Variants in JAG1 observed in about 807,000 individuals in gnomAD.
JAG1 encodes the protein jagged canonical Notch ligand 1, also known as protein jagged-1.
A neutral mutation model predicts 148.7 loss-of-function variants in JAG1; 23 were observed. That is an observed-to-expected ratio of 0.15 (90% CI 0.11 to 0.22). The LOEUF (loss-of-function observed/expected upper bound fraction) is 0.22, where lower values mean the gene tolerates loss of function less well. JAG1 is among the 10% of genes least tolerant of loss of function. The pLI, the probability that JAG1 is intolerant of heterozygous loss-of-function variation, is 1.00. For synonymous variants in JAG1, 572 were observed against 598.3 expected, an observed-to-expected ratio of 0.96 and a Z score of 0.64; for missense variants, 1,054 against 1,611.2, an observed-to-expected ratio of 0.65 and a Z score of 5.92.
intron 18 of JAG1, 27 bp downstream of exon 18, chr20:10,644,836 G>C: frequency 6.6e-7 from 1 of 1,510,552 alleles, no homozygotes; most frequent in South Asian, 1.1e-5. Context: ...ACAGCCCTGG[G>C]AGAGTTCAAG....
chr20:10,656,240 T>C (rs2067378177), intron 5 of JAG1, among the ~76,000 whole-genome samples, 158 bp downstream of exon 5: 2 of 152,244 alleles, frequency 1.3e-5, no homozygotes, highest in African/African-American at 4.8e-5. Context: ...AGACAGCTGG[T>C]ATAATTTAAT....
intron 3 of JAG1, among the ~76,000 whole-genome samples, chr20:10,659,560 T>C (rs931328322): frequency 4.7e-4 from 5 of 10,626 alleles, no homozygotes; most frequent in Non-Finnish European, 9.9e-4. Context: ...ATTAAGTTAC[T>C]TTTTTTTTTT....
intron 5 of JAG1, among the ~76,000 whole-genome samples, chr20:10,654,501 A>G (rs960093925): frequency 1.3e-5 from 2 of 152,210 alleles, no homozygotes; most frequent in African/African-American, 4.8e-5. Flanking sequence ...CTACTTGGGA[A>G]CAACAAAAAC....
rs1251308431 is a variant in JAG1 at position 10,648,070 on chromosome 20, C to T, written c.1610G>A (p.Gly537Asp). 6.2e-7 allele frequency: 1 copy of T among 1,614,136 alleles called. No individual in the cohort carries two copies. The highest frequency in any genetic ancestry group is 1.1e-5 in the South Asian group (1 of 91,074). The change falls in exon 13 of 26, where the codon GGT (glycine) becomes GAT (aspartate). Residue 537 changes from glycine to aspartate, a missense_variant. Coordinates refer to ENST00000254958, the MANE Select transcript of JAG1 (RefSeq NM_000214.3). ...ACTGGCACGGTTGTAGCACTGGGCA[C>T]CGTTCTGGCAGGGATTAGGCTCACA... ...DYCEPNPCQN[G>D]AQCYNRASDY...
chr20:10,646,952 T>G lies in JAG1; in HGVS notation c.1872A>C (p.Thr624=). The change falls in exon 14 of 26, where the codon ACA becomes ACC. Residue 624 remains threonine (T), a synonymous_variant. Coordinates refer to ENST00000254958, the MANE Select transcript of JAG1 (RefSeq NM_000214.3). ...TCDCNKGFTG[T]YCHENINDCE... The stretch of plus-strand genomic sequence containing the variant: ...AGGGAGTCTTACTTTCATGGCAGTA[T>G]GTTCCCGTGAAGCCTTTGTTACAGT... 1 of 1,614,214 alleles carries G rather than the reference T, an allele frequency of 6.2e-7. No homozygotes were observed. Among genetic ancestry groups the G allele is most frequent in the Non-Finnish European group, 8.5e-7 (1 of 1,180,032 alleles).
At chr20:10,656,514 G>T (rs894155195) in intron 4 of JAG1, 56 bp from the exon 5 acceptor site, 13 of 1,466,744 alleles carry the variant, frequency 8.9e-6, no homozygotes, top group Non-Finnish European at 1.1e-5. Flanking sequence ...GCATCGCCCC[G>T]GTCATGAGAA....
chr20:10,652,807 G>C, intron 5 of JAG1: 1 of 492,028 alleles, frequency 2.0e-6, no homozygotes. Flanking sequence ...CTGACAAAAG[G>C]AGGGCTGTTT....
chr20:10,672,635 A>G, intron 2 of JAG1, 66 bp downstream of exon 2: 1 of 1,509,182 alleles, frequency 6.6e-7, no homozygotes, highest in Non-Finnish European at 9.1e-7. Context: ...CTCGCAAGGG[A>G]TAACAGGGCT....
At chr20:10,654,566 T>C (rs2067366658) in intron 5 of JAG1, among the ~76,000 whole-genome samples, 1 of 152,114 alleles carries the variant, frequency 6.6e-6, no homozygotes, top group Non-Finnish European at 1.5e-5. Context: ...TAATACATAA[T>C]CCAAAAGACA....
chr20:10,663,510 A>G (rs2235811), intron 3 of JAG1, among the ~76,000 whole-genome samples: 85,816 of 152,030 alleles, frequency 0.56, 24,522 homozygotes, highest in East Asian at 0.72. Flanking sequence ...ACCCGGAGAG[A>G]CTAGAAGCTC....
rs1265642949 is a variant in JAG1, at chr20:10,673,457, C to T, written c.74G>A (p.Arg25Gln). ...SLLLALLCAL[R>Q]AKVCGASGQF... Reference sequence around the variant, plus strand: ...CCGGAGAAGGGCTCCTACCTTGGCTCGCAGGGCACAGAGCAGGGCGAGCAG... The same window carrying T: ...CCGGAGAAGGGCTCCTACCTTGGCTTGCAGGGCACAGAGCAGGGCGAGCAG... Residue 25 changes from arginine (R) to glutamine (Q), a missense_variant, in exon 1 of 26, where the codon CGA (arginine) becomes CAA (glutamine). Physicochemically the swap from Arg to Gln is conservative, Grantham distance 43. Coordinates refer to ENST00000254958, the MANE Select transcript of JAG1 (RefSeq NM_000214.3). This position sits in a 1 kb window ranked among gnomAD's most constrained non-coding sequence, Gnocchi z 4.7. 2.5e-5 allele frequency: 36 copies of T among 1,445,824 alleles called. No individual in the cohort carries two copies. Among genetic ancestry groups the T allele is most frequent in the Non-Finnish European group, 3.3e-5 (36 of 1,100,098 alleles). 89.6% of individuals were successfully genotyped at this position (1,445,824 alleles called of 1,614,324 possible).
In JAG1 at chr20:10,672,740, G is replaced by T; in HGVS notation, c.348C>A (p.Asp116Glu). The change falls in exon 2 of 26, where the codon GAC becomes GAA. Residue 116 changes from aspartate to glutamate, a missense_variant. Transcript: ENST00000254958. ...TFNLKASRGN[D>E]RNRIVLPFSF... The stretch of plus-strand genomic sequence containing the variant: ...TGAAAGGCAGCACGATGCGGTTGCG[G>T]TCGTTGCCGCGGCTGGCCTTGAGGT... 6.2e-7 allele frequency: 1 copy of T among 1,613,080 alleles called. No individual in the cohort carries two copies. The highest frequency in any genetic ancestry group is 8.5e-7 in the Non-Finnish European group (1 of 1,180,028).
intron 9 of JAG1, among the ~76,000 whole-genome samples, chr20:10,650,010 G>A (rs997983602): frequency 1.3e-5 from 2 of 152,058 alleles, no homozygotes; most frequent in African/African-American, 4.8e-5. Flanking sequence ...AACACTCCTC[G>A]GACAGACGAT....
chr20:10,659,885 C>T (rs1371084391), intron 3 of JAG1, among the ~76,000 whole-genome samples: 6 of 152,066 alleles, frequency 3.9e-5, no homozygotes, highest in Admixed American at 2.0e-4. Context: ...GAGACAGGTA[C>T]AAAAATAGCT....
At chr20:10,640,511 G>A (rs913559381) in intron 25 of JAG1, among the ~76,000 whole-genome samples, 7 of 152,232 alleles carry the variant, frequency 4.6e-5, no homozygotes, top group African/African-American at 1.7e-4. Flanking sequence ...CAAAGGACAA[G>A]CAGTGTCCTA....
intron 3 of JAG1, among the ~76,000 whole-genome samples, chr20:10,660,299 G>A (rs979406579): frequency 7.0e-5 from 9 of 128,680 alleles, no homozygotes; most frequent in African/African-American, 1.5e-4. Flanking sequence ...CTGACACCCC[G>A]GCACGCACTG....
At position 10,645,432 on chromosome 20, in the gene JAG1, C is replaced by T; in HGVS notation, c.2037G>A (p.Gly679=). ...NDCSQNPCHN[G]GTCRDLVNDF... ...CATTGACCAGGTCGCGACACGTGCCCCCATTGTGGCAGGGGTTCTGGCTGC... is the reference window on the plus strand; with the variant it reads ...CATTGACCAGGTCGCGACACGTGCCTCCATTGTGGCAGGGGTTCTGGCTGC... Residue 679 remains glycine, a synonymous_variant, in exon 16 of 26, where the codon GGG becomes GGA. Coordinates refer to ENST00000254958, the MANE Select transcript of JAG1 (RefSeq NM_000214.3). This position sits in a 1 kb window ranked among gnomAD's most constrained non-coding sequence, Gnocchi z 6.1. The T allele has an allele frequency of 3.1e-6, 5 of 1,613,854 alleles. No individual in the cohort carries two copies. The highest frequency in any genetic ancestry group is 4.2e-6 in the Non-Finnish European group (5 of 1,179,996).
At position 10,639,586 on chromosome 20, in the gene JAG1, G is replaced by A. The variant is rs1334807463; in HGVS notation, c.3569C>T (p.Pro1190Leu). 18 of 1,614,142 alleles carry A rather than the reference G, an allele frequency of 1.1e-5. No individual in the cohort carries two copies. Among genetic ancestry groups the A allele is most frequent in the South Asian group, 5.5e-5 (5 of 91,088 alleles). The change falls in exon 26 of 26, where the codon CCG (proline) becomes CTG (leucine). Residue 1190 changes from proline (P) to leucine (L), a missense_variant. Pro to Leu is a moderately conservative substitution (Grantham distance 98). Coordinates refer to ENST00000254958, the MANE Select transcript of JAG1 (RefSeq NM_000214.3). ...GTTTGTCCAGTTTGGGTGTTTTGTC[G>A]GCGTGCCGTTGGGGGGCTTCTCTTC... ...DREEKPPNGT[P>L]TKHPNWTNKQ...
chr20:10,647,815 G>T (rs2067319534), intron 13 of JAG1, 145 bp downstream of exon 13: 5 of 894,424 alleles, frequency 5.6e-6, no homozygotes, highest in Admixed American at 4.0e-5. Flanking sequence ...ACGTGTTGCG[G>T]CCCGCTACAC....
Sources: gnomAD v4.1 joint callset for allele counts (sites outside exome capture counted in the v4.1 genomes callset) on GRCh38, gnomAD v4.1.1 for gene constraint, Gnocchi (gnomAD v3.1) non-coding constraint, MANE v1.5 for transcripts, NCBI Gene and HGNC (gene_info 2026-07-23, HGNC 2026-07-21) for gene names.